Variants in SNAP91 observed in about 807,000 individuals in gnomAD.
The protein encoded by SNAP91 is synaptosome associated protein 91, also known as clathrin coat assembly protein AP180.
Under a neutral mutation model 100.3 loss-of-function variants are expected in SNAP91, and 27 were observed. The observed-to-expected ratio is 0.27, with a 90% CI of 0.20 to 0.37. SNAP91 has a LOEUF of 0.37. Ranked by LOEUF, SNAP91 falls within the 10% of genes least tolerant of loss-of-function variation. The pLI is 1.00. For synonymous variants in SNAP91, 404 were observed against 398.6 expected (o/e 1.01, Z -0.16); for missense variants, 986 against 1,123.7 (o/e 0.88, Z 1.75).
intron 2 of SNAP91, among the ~76,000 whole-genome samples, chr6:83,674,603 A>G (rs1197255179): frequency 6.6e-6 from 1 of 152,146 alleles, no homozygotes; most frequent in Non-Finnish European, 1.5e-5. Flanking sequence ...TTCTCTGAGT[A>G]TCTTACTGCT....
chr6:83,555,030 T>C (rs989120930), intron 29 of SNAP91, among the ~76,000 whole-genome samples: 15 of 152,154 alleles, frequency 9.9e-5, no homozygotes, highest in Non-Finnish European at 2.1e-4. Flanking sequence ...TAGGGCAACA[T>C]TTACTAAGTA....
At chr6:83,564,024 G>T (rs1021569209) in intron 26 of SNAP91, among the ~76,000 whole-genome samples, 1 of 152,058 alleles carries the variant, frequency 6.6e-6, no homozygotes, top group African/African-American at 2.4e-5. Flanking sequence ...ATATAAAAAT[G>T]CAAGAGAACC....
At chr6:83,696,423 A>G (rs2099212598) in intron 2 of SNAP91, among the ~76,000 whole-genome samples, 1 of 152,150 alleles carries the variant, frequency 6.6e-6, no homozygotes, top group South Asian at 2.1e-4. Flanking sequence ...GACTCAGCTC[A>G]CTCATCTATA....
chr6:83,560,986 A>C (rs757544613), intron 26 of SNAP91, 39 bp from the exon 27 acceptor site: 3 of 1,321,114 alleles, frequency 2.3e-6, no homozygotes, highest in Non-Finnish European at 3.2e-6. Flanking sequence ...AAATAACACA[A>C]AAACACACAA....
At chr6:83,563,608 A>G (rs1017155017) in intron 26 of SNAP91, among the ~76,000 whole-genome samples, 12 of 152,308 alleles carry the variant, frequency 7.9e-5, no homozygotes, top group Non-Finnish European at 1.6e-4. Context: ...AGAAATCCCT[A>G]AAGAATCCAT....
chr6:83,565,011 G>A (rs760568204), intron 26 of SNAP91, among the ~76,000 whole-genome samples: 1 of 150,306 alleles, frequency 6.7e-6, no homozygotes, highest in Admixed American at 6.7e-5. Flanking sequence ...TCATTTATCT[G>A]ATAAGCATCT....
At chr6:83,569,236 T>A (rs1479572407) in intron 26 of SNAP91, among the ~76,000 whole-genome samples, 2 of 150,882 alleles carry the variant, frequency 1.3e-5, no homozygotes, top group African/African-American at 2.5e-5. Context: ...AAATAGTTTC[T>A]ATTGTTCTAA....
At chr6:83,683,358 T>C (rs1356295740) in intron 2 of SNAP91, among the ~76,000 whole-genome samples, 2 of 152,316 alleles carry the variant, frequency 1.3e-5, no homozygotes, top group Non-Finnish European at 2.9e-5. Context: ...TCGGGCCTAA[T>C]GGAAGGTGTT....
chr6:83,577,172 T>C (rs1584848963), intron 24 of SNAP91, among the ~76,000 whole-genome samples: 1 of 152,092 alleles, frequency 6.6e-6, no homozygotes, highest in Admixed American at 6.6e-5. Flanking sequence ...GAGCAGAGTC[T>C]GGGTGAGAGC....
intron 26 of SNAP91, among the ~76,000 whole-genome samples, chr6:83,566,881 C>T (rs540386698): frequency 3.9e-5 from 6 of 152,278 alleles, no homozygotes; most frequent in Middle Eastern, 3.4e-3. Context: ...ACTTCTTTAT[C>T]AGCCAATAAA....
chr6:83,586,950 G>A (rs563849612), intron 22 of SNAP91, among the ~76,000 whole-genome samples: 2 of 151,914 alleles, frequency 1.3e-5, no homozygotes, highest in African/African-American at 4.8e-5. Flanking sequence ...TTACTCAAGG[G>A]GTAGAAGACG....
At chr6:83,624,296 G>T (rs906670650) in intron 8 of SNAP91, among the ~76,000 whole-genome samples, 1 of 152,028 alleles carries the variant, frequency 6.6e-6, no homozygotes, top group Non-Finnish European at 1.5e-5. Context: ...TATTCAAAGT[G>T]AAAAGTTGGG....
chr6:83,688,117 T>C (rs970142802), intron 2 of SNAP91, among the ~76,000 whole-genome samples: 1 of 152,206 alleles, frequency 6.6e-6, no homozygotes, highest in Non-Finnish European at 1.5e-5. Context: ...ATTTCATATA[T>C]GACCCCATAG....
intron 2 of SNAP91, among the ~76,000 whole-genome samples, chr6:83,706,837 T>C (rs1057482192): frequency 6.6e-6 from 1 of 152,210 alleles, no homozygotes; most frequent in Non-Finnish European, 1.5e-5. Flanking sequence ...TCAAGAGAAC[T>C]AAATAGCAAC....
intron 26 of SNAP91, among the ~76,000 whole-genome samples, chr6:83,561,215 A>T (rs952549666): frequency 2.0e-5 from 3 of 152,040 alleles, no homozygotes; most frequent in Non-Finnish European, 2.9e-5. Context: ...ACCAATTTTT[A>T]AAAATTTTTT....
chr6:83,658,901 G>T, intron 6 of SNAP91, 98 bp downstream of exon 6: 1 of 864,398 alleles, frequency 1.2e-6, no homozygotes, highest in Non-Finnish European at 1.8e-6. Context: ...AAGATCTATA[G>T]CTGCTTCCCG....
intron 23 of SNAP91, among the ~76,000 whole-genome samples, chr6:83,580,832 CT>C (rs1440721341): frequency 2.0e-5 from 3 of 152,140 alleles, no homozygotes; most frequent in Admixed American, 2.0e-4. Context: ...GGAAAAAAAT[CT>C]GTATAATGTA....
At chr6:83,583,385 T>C (rs1051839199) in intron 22 of SNAP91, among the ~76,000 whole-genome samples, 1 of 152,242 alleles carries the variant, frequency 6.6e-6, no homozygotes, top group African/African-American at 2.4e-5. Flanking sequence ...ACTGAATTAA[T>C]GTTTATTAAA....
intron 11 of SNAP91, among the ~76,000 whole-genome samples, chr6:83,612,371 A>T (rs762108192): frequency 6.6e-6 from 1 of 152,098 alleles, no homozygotes; most frequent in African/African-American, 2.4e-5. Context: ...CACTTCCACT[A>T]TTTTTTCCCT....
Sources: allele counts gnomAD v4.1 joint callset (sites outside exome capture counted in the v4.1 genomes callset), GRCh38; gene constraint gnomAD v4.1.1; transcripts MANE v1.5; gene names NCBI Gene and HGNC (gene_info 2026-07-23, HGNC 2026-07-21).